The following IDUA variants were observed in gnomAD, a reference collection of about 807,000 sequenced individuals.
IDUA encodes alpha-L-iduronidase, also known as iduronidase alpha-L-.
In IDUA, 65 loss-of-function variants were observed where a neutral mutation model predicts 68.9. The ratio of observed to expected loss-of-function variants is 0.94; its 90% CI spans 0.77 to 1.16. IDUA has a LOEUF of 1.16. Among genes scored for constraint, IDUA ranks in the 50% most tolerant of loss-of-function variants. The pLI is 0.00. For synonymous variants in IDUA, 529 were observed against 433.6 expected (o/e 1.22, Z -2.73); for missense variants, 1,046 against 938.0 (o/e 1.12, Z -1.50).
intron 5 of IDUA, 23 bp from the exon 6 acceptor site, chr4:1,001,656 G>C: frequency 6.2e-7 from 1 of 1,604,822 alleles, no homozygotes; most frequent in Non-Finnish European, 8.5e-7. Flanking sequence ...GGCAGGTGTA[G>C]ACGCAGTGCT....
rs752800292 is a variant in IDUA at position 1,003,579 on chromosome 4, C to A, written c.1681C>A (p.Gln561Lys). The A allele has an allele frequency of 1.2e-6, 2 of 1,612,358 alleles. No homozygotes were observed. Among genetic ancestry groups the A allele is most frequent in the East Asian group, 4.5e-5 (2 of 44,852 alleles). The change falls in exon 12 of 14, where the codon CAA becomes AAA. Residue 561 changes from glutamine (Q) to lysine (K), a missense_variant. Transcript: ENST00000514224. ...VTRLRALPLT[Q>K]GQLVLVWSDE... is the part of the protein sequence containing the mutation. ...GCGGCTCCGCGCCCTGCCCCTGACC[C>A]AAGGGCAGCTGGTTCTGGTCTGGTC...
Position 1,002,651 on chromosome 4 carries a change from G to C in IDUA, c.1190-81G>C, listed in dbSNP as rs1053876880. ...CTCCTTCACCAAGGGGAGGGGGAGC[G>C]AGTGGTGGGAGGCCCGGCCCTGGGT... On this transcript the variant is annotated intron_variant, in intron 8 of 13. Transcript: ENST00000514224. 7 of 1,194,172 alleles carry C rather than the reference G, an allele frequency of 5.9e-6. No homozygotes were observed. In the African/African-American group the frequency reaches 9.6e-5, roughly 16 times the overall value. The allele number at this position is 1,194,172 out of a possible 1,614,324, so 74.0% of individuals were successfully genotyped here.
chr4:987,328 G>C, intron 1 of IDUA, 86 bp downstream of exon 1: 1 of 1,274,470 alleles, frequency 7.8e-7, no homozygotes, highest in South Asian at 1.3e-5. Context: ...GAGCTTCAGA[G>C]ACCGGAGCTC....
Position 1,002,385 on chromosome 4 carries a change from C to T in IDUA, c.1089C>T (p.Arg363=), listed in dbSNP as rs1276111758. ...ACCACCCGCACCCCTTCGCGCAGCG[C>T]ACGCTCACCGCGCGCTTCCAGGTCA... ...LSYHPHPFAQ[R]TLTARFQVNN... is the part of the protein sequence containing the mutation. The change falls in exon 8 of 14, where the codon CGC becomes CGT. Residue 363 remains arginine, a synonymous_variant. Coordinates refer to ENST00000514224, the MANE Select transcript of IDUA (RefSeq NM_000203.5). 7.5e-6 allele frequency: 12 copies of T among 1,609,698 alleles called. No homozygotes were observed. Among genetic ancestry groups the T allele is most frequent in the Non-Finnish European group, 1.0e-5 (12 of 1,178,434 alleles).
chr4:997,057 G>A (rs1714781068), intron 2 of IDUA, among the ~76,000 whole-genome samples: 1 of 152,138 alleles, frequency 6.6e-6, no homozygotes, highest in Non-Finnish European at 1.5e-5. Context: ...GTTTTACATT[G>A]GAGTCCATTT....
rs749829798 is a variant in IDUA, at chr4:1,001,818, C to A, written c.729C>A (p.Asp243Glu). 1 of 1,605,648 alleles carries A rather than the reference C, an allele frequency of 6.2e-7. No individual in the cohort carries two copies. The highest frequency in any genetic ancestry group is 8.5e-7 in the Non-Finnish European group (1 of 1,177,656). The change falls in exon 6 of 14, where the codon GAC (aspartate) becomes GAA (glutamate). Residue 243 changes from aspartate (D) to glutamate (E), a missense_variant. Asp to Glu is a conservative substitution (Grantham distance 45). Coordinates refer to ENST00000514224, the MANE Select transcript of IDUA (RefSeq NM_000203.5). The stretch of plus-strand genomic sequence containing the variant: ...GGGGCCTCCTGCGCCACTGCCACGA[C>A]GGTACCAACTTCTTCACTGGGGAGG... ...LSWGLLRHCH[D>E]GTNFFTGEAG...
chr4:997,293 C>T (rs1217449103), intron 2 of IDUA, among the ~76,000 whole-genome samples: 1 of 151,836 alleles, frequency 6.6e-6, no homozygotes, highest in Admixed American at 6.6e-5. Flanking sequence ...GTACCCGCCC[C>T]GCGCCCCCAG....
Position 1,002,957 on chromosome 4 carries a change from T to C in IDUA, c.1402+13T>C. 7.3e-7 allele frequency: 1 copy of C among 1,367,678 alleles called. No homozygotes were observed. The highest frequency in any genetic ancestry group is 1.7e-5 in the South Asian group (1 of 58,018). 84.7% of individuals were successfully genotyped at this position (1,367,678 alleles called of 1,614,324 possible). ...CCCCCCGGCCCGGGTAAGCCGGGGT[T>C]CCAGGGAGGTCTCTGGCCCCGCTGG... On this transcript the variant is annotated intron_variant, in intron 9 of 13. Transcript: ENST00000514224.
In IDUA at chr4:1,002,465, T is replaced by C. The variant is rs1157083700; in HGVS notation, c.1169T>C (p.Met390Thr). Reference sequence around the variant, plus strand: ...TTGCGCAAGCCGGTGCTCACGGCCATGGGGCTGCTGGCGCTGCTGGGTGAG... The same window carrying C: ...TTGCGCAAGCCGGTGCTCACGGCCACGGGGCTGCTGGCGCTGCTGGGTGAG... ...QLLRKPVLTAMGLLALLDEEQ... is the reference protein window; with the variant it reads ...QLLRKPVLTATGLLALLDEEQ... Residue 390 changes from methionine to threonine, a missense_variant, in exon 8 of 14, where the codon ATG (methionine) becomes ACG (threonine). By Grantham distance (81) the Met-to-Thr change is moderately conservative. Transcript: ENST00000514224. 1.9e-6 allele frequency: 3 copies of C among 1,546,766 alleles called. No homozygotes were observed. The highest frequency in any genetic ancestry group is 2.5e-5 in the East Asian group (1 of 40,540).
In IDUA at chr4:1,001,802, T is replaced by C. The variant is rs148789453; in HGVS notation, c.713T>C (p.Leu238Pro). The change falls in exon 6 of 14, where the codon CTG becomes CCG. Residue 238 changes from leucine (L) to proline (P), a missense_variant. Leu to Pro is a moderately conservative substitution (Grantham distance 98, BLOSUM62 -3). Transcript: ENST00000514224. ...PPRSPLSWGL[L>P]RHCHDGTNFF... ...CGATCCCCGCTGAGCTGGGGCCTCCTGCGCCACTGCCACGACGGTACCAAC... is the reference window on the plus strand; with the variant it reads ...CGATCCCCGCTGAGCTGGGGCCTCCCGCGCCACTGCCACGACGGTACCAAC... 6.2e-7 allele frequency: 1 copy of C among 1,604,758 alleles called. No homozygotes were observed. Among genetic ancestry groups the C allele is most frequent in the Non-Finnish European group, 8.5e-7 (1 of 1,177,700 alleles).
At chr4:988,860 C>CT (rs1713960560) in intron 2 of IDUA, 1 of 1,606,212 alleles carries the variant, frequency 6.2e-7, no homozygotes, top group African/African-American at 1.3e-5. Context: ...TGGCCTCCAG[C>CT]TCCCTGTGGC....
intron 2 of IDUA, chr4:988,247 G>GGT (rs1713904148): frequency 7.9e-7 from 1 of 1,266,624 alleles, no homozygotes; most frequent in Non-Finnish European, 1.0e-6. Context: ...GGCCAGGCTG[G>GGT]GTAGGGCCAC....
At chr4:990,447 G>C in intron 2 of IDUA, 1 of 1,325,566 alleles carries the variant, frequency 7.5e-7, no homozygotes, top group Non-Finnish European at 1.0e-6. Context: ...CCGAGGGGTG[G>C]TGGTCACGGC....
chr4:992,755 G>A (rs1360432250), intron 2 of IDUA: 2 of 154,736 alleles, frequency 1.3e-5, no homozygotes, highest in East Asian at 1.9e-4. Flanking sequence ...CGTGGCGTTA[G>A]GGAGGCGGTG....
At chr4:1,001,952 C>G in intron 6 of IDUA, 30 bp from the exon 7 acceptor site, 2 of 1,573,738 alleles carry the variant, frequency 1.3e-6, no homozygotes, top group Non-Finnish European at 1.7e-6. Flanking sequence ...CGCGCTGACC[C>G]TGGTGGTGCT....
rs755914562 is a variant in IDUA at position 987,258 on chromosome 4, C to G, written c.158+16C>G. On this transcript the variant is annotated intron_variant, in intron 1 of 13. Coordinates refer to ENST00000514224, the MANE Select transcript of IDUA (RefSeq NM_000203.5). The stretch of plus-strand genomic sequence containing the variant: ...CAGGCTTCTGGTGAGCGCTCCGCGG[C>G]CTCCGGGACCCCCTGGCCGCACGGG... 2.0e-6 allele frequency: 3 copies of G among 1,513,706 alleles called. No individual in the cohort carries two copies. The highest frequency in any genetic ancestry group is 2.6e-6 in the Non-Finnish European group (3 of 1,137,802). The allele number at this position is 1,513,706 out of a possible 1,614,324, so 93.8% of individuals were successfully genotyped here.
Position 987,901 on chromosome 4 carries a change from G to T in IDUA, c.251G>T (p.Gly84Val), listed in dbSNP as rs1359058958. The change falls in exon 2 of 14, where the codon GGC (glycine) becomes GTC (valine). Residue 84 changes from glycine (G) to valine (V), a missense_variant. Transcript: ENST00000514224. ...TATGTGGGCGCCGTCCCTCACCGCG[G>T]CATCAAGCAGGTCCGGACCCACTGG... is the stretch of plus-strand genomic sequence containing the variant. ...LAYVGAVPHR[G>V]IKQVRTHWLL... 1.2e-6 allele frequency: 2 copies of T among 1,607,266 alleles called. No individual in the cohort carries two copies. Among genetic ancestry groups the T allele is most frequent in the Admixed American group, 3.4e-5 (2 of 59,268 alleles).
At chr4:991,686 C>T in intron 2 of IDUA, 1 of 1,534,090 alleles carries the variant, frequency 6.5e-7, no homozygotes, top group Non-Finnish European at 8.7e-7. Flanking sequence ...GCTGCAGAGG[C>T]TCAGGGGACT....
Position 989,256 on chromosome 4 carries a change from G to A in IDUA, c.299+1307G>A, listed in dbSNP as rs530947951. The A allele has an allele frequency of 3.1e-6, 5 of 1,612,566 alleles. No individual in the cohort carries two copies. In the Admixed American group the frequency reaches 8.3e-5, roughly 27 times the overall value. On this transcript the variant is annotated intron_variant, in intron 2 of 13. Coordinates refer to ENST00000514224, the MANE Select transcript of IDUA (RefSeq NM_000203.5). ...CCATGCACCCTGCGTCCAGCCCCGT[G>A]AGGCTGTAGAGTGACTGCAGGAAGA...
Sources: gnomAD v4.1 joint callset for allele counts (sites outside exome capture counted in the v4.1 genomes callset) on GRCh38, gnomAD v4.1.1 for gene constraint, MANE v1.5 for transcripts, NCBI Gene and HGNC (gene_info 2026-07-23, HGNC 2026-07-21) for gene names.